PCDHGB4: variants seen among roughly 807,000 people sequenced by gnomAD.
PCDHGB4 encodes protocadherin gamma subfamily B, 4, also known as protocadherin gamma-B4.
Under a neutral mutation model 60.5 loss-of-function variants are expected in PCDHGB4, and 38 were observed. The observed-to-expected ratio is 0.63, with a 90% CI of 0.48 to 0.82. The LOEUF (loss-of-function observed/expected upper bound fraction) is 0.82. PCDHGB4 is among the 40% of genes least tolerant of loss of function. The pLI is 0.00. For missense variants in PCDHGB4, 1,109 were observed against 1,209.6 expected (o/e 0.92, Z 1.23); for synonymous variants, 456 against 509.7 (o/e 0.89, Z 1.42).
At chr5:141,408,667 C>G in intron 1 of PCDHGB4, 1 of 1,613,954 alleles carries the variant, frequency 6.2e-7, no homozygotes, top group Non-Finnish European at 8.5e-7. Context: ...TATCGCTTGA[C>G]CCTGCCACGG....
Position 141,489,322 on chromosome 5 carries a change from T to C in PCDHGB4, c.2398-5485T>C. The C allele has an allele frequency of 6.2e-7, 1 of 1,601,052 alleles. No individual in the cohort carries two copies. Among genetic ancestry groups the C allele is most frequent in the Non-Finnish European group, 8.5e-7 (1 of 1,172,658 alleles). ...GTCCTTGTGCTGCTGGGGCTGGGTGTCTGGGCAGCTTCGTTACTCAGTGGT... is the reference window on the plus strand; with the variant it reads ...GTCCTTGTGCTGCTGGGGCTGGGTGCCTGGGCAGCTTCGTTACTCAGTGGT... On this transcript the variant is annotated intron_variant, in intron 1 of 3. Coordinates refer to ENST00000519479, the MANE Select transcript of PCDHGB4 (RefSeq NM_003736.4). The surrounding 1 kb of genome is among the most constrained non-coding windows in gnomAD (Gnocchi z 4.5).
Position 141,432,608 on chromosome 5 carries a change from T to G in PCDHGB4, c.2397+42327T>G. ...GCTCAAGGCCAGCGAGCCGGGACTC[T>G]TCTCGGTGGGTCTGCACACGGGCGA... On this transcript the variant is annotated intron_variant, in intron 1 of 3. Transcript: ENST00000519479. This position sits in a 1 kb window ranked among gnomAD's most constrained non-coding sequence, Gnocchi z 6.0. The G allele has an allele frequency of 6.2e-7, 1 of 1,613,864 alleles. No individual in the cohort carries two copies. The highest frequency in any genetic ancestry group is 8.5e-7 in the Non-Finnish European group (1 of 1,179,964).
chr5:141,475,424 T>C (rs2099363271), intron 1 of PCDHGB4, among the ~76,000 whole-genome samples: 1 of 152,244 alleles, frequency 6.6e-6, no homozygotes, highest in African/African-American at 2.4e-5. Context: ...CTCCTGCTAA[T>C]TTGATAGTAG....
chr5:141,457,127 C>G (rs2098910262), intron 1 of PCDHGB4, among the ~76,000 whole-genome samples: 1 of 152,200 alleles, frequency 6.6e-6, no homozygotes, highest in Admixed American at 6.5e-5. Flanking sequence ...AATGGAAACT[C>G]TGTCCAATAT....
intron 1 of PCDHGB4, chr5:141,408,686 A>G (rs2095150873): frequency 6.2e-7 from 1 of 1,613,848 alleles, no homozygotes; most frequent in Non-Finnish European, 8.5e-7. Flanking sequence ...GGATCCTGAT[A>G]TAAACATAAA....
intron 1 of PCDHGB4, chr5:141,433,227 T>C (rs1178649427): frequency 6.5e-6 from 10 of 1,528,034 alleles, no homozygotes; most frequent in Non-Finnish European, 8.9e-6. Context: ...TTTTAATTGC[T>C]CTGTCTCCCA....
intron 1 of PCDHGB4, among the ~76,000 whole-genome samples, chr5:141,481,693 C>T (rs755007426): frequency 1.8e-4 from 27 of 152,020 alleles, no homozygotes; most frequent in Admixed American, 7.9e-4. Context: ...GTGGCTCACG[C>T]CTGTAATCCC....
intron 2 of PCDHGB4, among the ~76,000 whole-genome samples, chr5:141,497,962 G>A (rs2099780751): frequency 6.6e-6 from 1 of 152,236 alleles, no homozygotes; most frequent in African/African-American, 2.4e-5. Context: ...TGGCCAGGCA[G>A]TGTTCTCGAT....
In PCDHGB4 at chr5:141,393,531, C is replaced by T. The variant is rs997965420; in HGVS notation, c.2397+3250C>T. On this transcript the variant is annotated intron_variant, in intron 1 of 3. Transcript: ENST00000519479. ...AGTGTTGGATACAAATGACAATGCC[C>T]CGGTTTTTCCTCACCCGATTTACCG... 4 of 1,613,890 alleles carry T rather than the reference C, an allele frequency of 2.5e-6. No individual in the cohort carries two copies. Among genetic ancestry groups the T allele is most frequent in the African/African-American group, 2.7e-5 (2 of 74,946 alleles).
rs1216200329 is a variant in PCDHGB4, at chr5:141,491,485, C to G, written c.2398-3322C>G. ...CTTCTATAAGCAGTCCAGCCCCAAC[C>G]TGCAGGTGAGCTCGGACGGCACGCT... On this transcript the variant is annotated intron_variant, in intron 1 of 3. Coordinates refer to ENST00000519479, the MANE Select transcript of PCDHGB4 (RefSeq NM_003736.4). This position sits in a 1 kb window ranked among gnomAD's most constrained non-coding sequence, Gnocchi z 6.9. 6.2e-7 allele frequency: 1 copy of G among 1,614,148 alleles called. No individual in the cohort carries two copies. The highest frequency in any genetic ancestry group is 1.3e-5 in the African/African-American group (1 of 75,064).
At chr5:141,419,753 T>C (rs764151937) in intron 1 of PCDHGB4, 10 of 1,613,856 alleles carry the variant, frequency 6.2e-6, no homozygotes, top group South Asian at 2.2e-5. Context: ...GGTGCGTGCT[T>C]TGGGTGACAA....
At chr5:141,394,458 A>G (rs776488659) in intron 1 of PCDHGB4, 1 of 1,614,218 alleles carries the variant, frequency 6.2e-7, no homozygotes, top group South Asian at 1.1e-5. Context: ...CATGTCACTG[A>G]GCCTGTTCGT....
At chr5:141,419,652 CG>C (rs767047378) in intron 1 of PCDHGB4, 3 of 1,612,590 alleles carry the variant, frequency 1.9e-6, no homozygotes, top group Non-Finnish European at 1.7e-6. Context: ...GACGCGGACT[CG>C]GGGCACAATG....
chr5:141,494,428 G>A (rs1476469017), intron 1 of PCDHGB4, among the ~76,000 whole-genome samples: 1 of 152,148 alleles, frequency 6.6e-6, no homozygotes, highest in African/African-American at 2.4e-5. Flanking sequence ...TCATTGAAAA[G>A]CCTCCTTTGC....
chr5:141,446,455 T>G (rs1347586383), intron 1 of PCDHGB4, among the ~76,000 whole-genome samples: 1 of 151,858 alleles, frequency 6.6e-6, no homozygotes, highest in Non-Finnish European at 1.5e-5. Context: ...AGATATTCAG[T>G]GTGTGATTAG....
intron 3 of PCDHGB4, among the ~76,000 whole-genome samples, chr5:141,509,265 C>G (rs1296179995): frequency 1.3e-5 from 2 of 152,138 alleles, no homozygotes; most frequent in African/African-American, 4.8e-5. Flanking sequence ...TTTAGTCACT[C>G]TCGCTACCCG....
At position 141,493,906 on chromosome 5, in the gene PCDHGB4, G is replaced by A. The variant is rs2099750764; in HGVS notation, c.2398-901G>A. ...CTCTAGGAGTGCTCCATGAGAGTGT[G>A]TGATGGGATAACACACCCCCTGGAA... is the stretch of plus-strand genomic sequence containing the variant. On this transcript the variant is annotated intron_variant, in intron 1 of 3. Transcript: ENST00000519479. The surrounding 1 kb of genome is among the most constrained non-coding windows in gnomAD (Gnocchi z 4.3). Among the ~76,000 whole-genome samples the A allele has an allele frequency of 6.6e-6, 1 of 152,200 alleles. No individual in the cohort carries two copies. Among genetic ancestry groups the A allele is most frequent in the Non-Finnish European group, 1.5e-5 (1 of 68,032 alleles).
chr5:141,416,101 C>CT (rs34144584), intron 1 of PCDHGB4: 1 of 158,972 alleles, frequency 6.3e-6, no homozygotes, highest in Non-Finnish European at 1.4e-5. Context: ...GGCAATAGGC[C>CT]TTTTTCAAAC....
At chr5:141,419,124 T>A in intron 1 of PCDHGB4, 1 of 1,613,798 alleles carries the variant, frequency 6.2e-7, no homozygotes, top group Non-Finnish European at 8.5e-7. Context: ...AACGTCACCA[T>A]CGCAGCCACA....
Sources: allele counts gnomAD v4.1 joint callset (sites outside exome capture counted in the v4.1 genomes callset), GRCh38; gene constraint gnomAD v4.1.1; non-coding constraint Gnocchi (gnomAD v3.1); transcripts MANE v1.5; gene names NCBI Gene and HGNC (gene_info 2026-07-23, HGNC 2026-07-21).